CLN5: variants seen among roughly 807,000 people sequenced by gnomAD.
The protein encoded by CLN5 is CLN5 lysosomal BMP synthase.
In CLN5, 34 loss-of-function variants were observed where a neutral mutation model predicts 36.7. That is an observed-to-expected ratio of 0.93 (90% CI 0.71 to 1.23). The LOEUF (loss-of-function observed/expected upper bound fraction) is 1.23, where lower values mean the gene tolerates loss of function less well. CLN5 is among the 50% of genes most tolerant of loss of function. The pLI, the probability that CLN5 is intolerant of heterozygous loss-of-function variation, is 0.00. For missense variants in CLN5, 427 were observed against 439.4 expected (o/e 0.97, Z 0.25); for synonymous variants, 151 against 155.1 (o/e 0.97, Z 0.20).
At chr13:76,995,398 C>G in intron 2 of CLN5, 170 bp downstream of exon 2, 1 of 669,798 alleles carries the variant, frequency 1.5e-6, no homozygotes, top group Non-Finnish European at 2.6e-6. Flanking sequence ...ATTTTGTAAT[C>G]TTGACAACAA....
At chr13:76,994,771 A>C in intron 1 of CLN5, 1 of 319,524 alleles carries the variant, frequency 3.1e-6, no homozygotes, top group Non-Finnish European at 5.8e-6. Context: ...GCAAATGTCT[A>C]CTATGATCTG....
chr13:76,995,253 A>G (rs754911333), intron 2 of CLN5, 25 bp downstream of exon 2: 17 of 1,608,832 alleles, frequency 1.1e-5, no homozygotes, highest in Non-Finnish European at 1.4e-5. Flanking sequence ...TGGTCTTATA[A>G]CTTTGGTTAA....
intron 1 of CLN5, chr13:76,994,373 C>G (rs2034229767): frequency 6.6e-6 from 1 of 152,276 alleles, no homozygotes; most frequent in Admixed American, 6.5e-5. Flanking sequence ...CATTAAAAAC[C>G]TAGGCCCGGC....
At position 77,000,855 on chromosome 13, in the gene CLN5, C is replaced by T. The variant is rs756149425; in HGVS notation, c.963C>T (p.Phe321=). Residue 321 remains phenylalanine, a synonymous_variant, in exon 4 of 4, where the codon TTC becomes TTT. Coordinates refer to ENST00000377453, the MANE Select transcript of CLN5 (RefSeq NM_006493.4). The part of the protein sequence containing the change: ...IFDAVIVHKQ[F]YLFYNFEYWF... ...ATGCAGTGATTGTGCACAAACAGTT[C>T]TATTTGTTTTATAATTTTGAATATT... The T allele has an allele frequency of 1.3e-6, 2 of 1,597,498 alleles. No individual in the cohort carries two copies. Among genetic ancestry groups the T allele is most frequent in the Non-Finnish European group, 1.7e-6 (2 of 1,174,436 alleles).
In CLN5 at chr13:77,004,041, TTAAG is replaced by T. The variant is rs550871223; in HGVS notation, c.*3079_*3082del. 213 of 152,290 alleles carry T rather than the reference TTAAG, an allele frequency of 1.4e-3. No homozygotes were observed. The highest frequency in any genetic ancestry group is 3.7e-3 in the African/African-American group (155 of 41,522). 9.4% of individuals were successfully genotyped at this position (152,290 alleles called of 1,614,324 possible). A position where few individuals can be genotyped will look rare whatever the true frequency, so the allele number is the denominator to read the frequency against. On this transcript the variant is annotated 3_prime_UTR_variant, in exon 4 of 4. Transcript: ENST00000377453. ...CCTCATTAATCTGGCACAAAATTAG[TTAAG>T]TAAGTATACCCACAAAGTGTCATCT... is the stretch of plus-strand genomic sequence containing the variant.
chr13:76,994,226 C>T (rs2034227521), intron 1 of CLN5: 2 of 152,226 alleles, frequency 1.3e-5, no homozygotes, highest in Admixed American at 6.5e-5. Context: ...CAGCCCCTGC[C>T]AGTCTCTTCC....
chr13:77,000,449 T>C lies in CLN5; in HGVS notation c.566-9T>C. On this transcript the variant is annotated splice_polypyrimidine_tract_variant and intron_variant, in intron 3 of 3. Transcript: ENST00000377453. ...CACTAGGTGACTTTGTTTTGTTTTT[T>C]TAAACTAGGAAACATGTTCAACCAA... The C allele has an allele frequency of 1.2e-6, 2 of 1,610,514 alleles. No individual in the cohort carries two copies. Among genetic ancestry groups the C allele is most frequent in the Non-Finnish European group, 1.7e-6 (2 of 1,178,844 alleles).
In CLN5 at chr13:77,001,821, A is replaced by T. The variant is rs934328858; in HGVS notation, c.*852A>T. 6 of 152,240 alleles carry T rather than the reference A, an allele frequency of 3.9e-5. No homozygotes were observed. The highest frequency in any genetic ancestry group is 1.2e-4 in the African/African-American group (5 of 41,468). 9.4% of individuals were successfully genotyped at this position (152,240 alleles called of 1,614,324 possible). ...CTTCAGCGGTTCTTCTAACCGGGGT[A>T]TGCAGGAACATGGCTGCAGACACGT... is the stretch of plus-strand genomic sequence containing the variant. On this transcript the variant is annotated 3_prime_UTR_variant, in exon 4 of 4. Coordinates refer to ENST00000377453, the MANE Select transcript of CLN5 (RefSeq NM_006493.4).
At position 76,992,118 on chromosome 13, in the gene CLN5, C is replaced by A. The variant is rs752389963; in HGVS notation, c.20C>A (p.Thr7Lys). 4 of 1,610,970 alleles carry A rather than the reference C, an allele frequency of 2.5e-6. No individual in the cohort carries two copies. Among genetic ancestry groups the A allele is most frequent in the African/African-American group, 1.3e-5 (1 of 74,848 alleles). ...AGCCTGATGGCGCAGGAGGTAGACA[C>A]GGCACAGGGCGCCGAGATGCGGCGG... MAQEVD[T>K]AQGAEMRRGA... Residue 7 changes from threonine to lysine, a missense_variant, in exon 1 of 4, where the codon ACG (threonine) becomes AAG (lysine). Coordinates refer to ENST00000377453, the MANE Select transcript of CLN5 (RefSeq NM_006493.4).
chr13:77,000,137 A>C lies in CLN5; in HGVS notation c.566-321A>C, dbSNP rs113639365. 0.014 allele frequency: 2,263 copies of C among 156,464 alleles called. 55 individuals carry two copies. The highest frequency in any genetic ancestry group is 0.048 in the African/African-American group (2,013 of 41,518). The allele number at this position is 156,464 out of a possible 1,614,324, so 9.7% of individuals were successfully genotyped here. On this transcript the variant is annotated intron_variant, in intron 3 of 3. Transcript: ENST00000377453. ...TGCTTTAGAATGCTGAAGCAGGAGG[A>C]TCACTTGAGGTTGGGAATTTGAGAC... is the stretch of plus-strand genomic sequence containing the variant.
Position 77,002,829 on chromosome 13 carries a change from A to G in CLN5, c.*1860A>G, listed in dbSNP as rs753494581. The G allele has an allele frequency of 1.3e-5, 2 of 152,188 alleles. No homozygotes were observed. Among genetic ancestry groups the G allele is most frequent in the African/African-American group, 2.4e-5 (1 of 41,432 alleles). The allele number at this position is 152,188 out of a possible 1,614,324, so 9.4% of individuals were successfully genotyped here. A position where few individuals can be genotyped will look rare whatever the true frequency, so the allele number is the denominator to read the frequency against. ...CACGAACTTCTACCAAACTCAGGAAATTGCTCTGGAAAAACTACAGGATTT... is the reference window on the plus strand; with the variant it reads ...CACGAACTTCTACCAAACTCAGGAAGTTGCTCTGGAAAAACTACAGGATTT... On this transcript the variant is annotated 3_prime_UTR_variant, in exon 4 of 4. Coordinates refer to ENST00000377453, the MANE Select transcript of CLN5 (RefSeq NM_006493.4).
rs1593906921 is a variant in CLN5 at position 76,992,096 on chromosome 13, C to T, written c.-3C>T. ...AGGCTCCGGAAGTACTGGGTGCAGC[C>T]TGATGGCGCAGGAGGTAGACACGGC... is the stretch of plus-strand genomic sequence containing the variant. On this transcript the variant is annotated 5_prime_UTR_variant, in exon 1 of 4. Coordinates refer to ENST00000377453, the MANE Select transcript of CLN5 (RefSeq NM_006493.4). 3 of 1,611,952 alleles carry T rather than the reference C, an allele frequency of 1.9e-6. No homozygotes were observed. Among genetic ancestry groups the T allele is most frequent in the Non-Finnish European group, 2.5e-6 (3 of 1,179,454 alleles).
At chr13:76,997,187 C>T (rs2034283288) in intron 3 of CLN5, 1 of 151,838 alleles carries the variant, frequency 6.6e-6, no homozygotes, top group South Asian at 2.1e-4. Context: ...ATTCTTGTCG[C>T]TCAGGCTGGA....
At position 77,004,313 on chromosome 13, in the gene CLN5, CAT is replaced by C. The variant is rs2034413297; in HGVS notation, c.*3345_*3346del. The C allele has an allele frequency of 6.6e-6, 1 of 152,222 alleles. No individual in the cohort carries two copies. The highest frequency in any genetic ancestry group is 2.4e-5 in the African/African-American group (1 of 41,440). The allele number at this position is 152,222 out of a possible 1,614,324, so 9.4% of individuals were successfully genotyped here. A position where few individuals can be genotyped will look rare whatever the true frequency, so the allele number is the denominator to read the frequency against. Reference sequence around the variant, plus strand: ...AAGAGTGATGTTCCAAAACTACACACATGCTTTTTCCCTGTTCACAAAGGCAA... The same window carrying C: ...AAGAGTGATGTTCCAAAACTACACACGCTTTTTCCCTGTTCACAAAGGCAA... On this transcript the variant is annotated 3_prime_UTR_variant, in exon 4 of 4. Transcript: ENST00000377453.
intron 1 of CLN5, chr13:76,994,067 C>T (rs772654068): frequency 1.1e-4 from 16 of 152,310 alleles, no homozygotes; most frequent in Admixed American, 2.6e-4. Flanking sequence ...TATTTGGCCT[C>T]TCTCCATACC....
chr13:76,994,857 A>G lies in CLN5; in HGVS notation c.174-206A>G, dbSNP rs529363211. 189 of 521,810 alleles carry G rather than the reference A, an allele frequency of 3.6e-4. 3 individuals are homozygous for G. In the South Asian group the frequency reaches 4.4e-3, roughly 12 times the overall value. The allele number at this position is 521,810 out of a possible 1,614,324, so 32.3% of individuals were successfully genotyped here. A position where few individuals can be genotyped will look rare whatever the true frequency, so the allele number is the denominator to read the frequency against. On this transcript the variant is annotated intron_variant, in intron 1 of 3. Coordinates refer to ENST00000377453, the MANE Select transcript of CLN5 (RefSeq NM_006493.4). ...GGGATCAGGGAACAGGGAAGCCCGT[A>G]TTTATCAGAGTGCTTTTAGTTTATC...
In CLN5 at chr13:77,004,175, T is replaced by G. The variant is rs978123057; in HGVS notation, c.*3206T>G. On this transcript the variant is annotated 3_prime_UTR_variant, in exon 4 of 4. Transcript: ENST00000377453. ...TTAAAAATTGGAGAAAAAAATCAAG[T>G]CTTAGGAAGTCTTATCCAGTTTTAT... 7 of 152,136 alleles carry G rather than the reference T, an allele frequency of 4.6e-5. No individual in the cohort carries two copies. Among genetic ancestry groups the G allele is most frequent in the African/African-American group, 1.7e-4 (7 of 41,424 alleles). 9.4% of individuals were successfully genotyped at this position (152,136 alleles called of 1,614,324 possible). A position where few individuals can be genotyped will look rare whatever the true frequency, so the allele number is the denominator to read the frequency against.
Position 77,001,113 on chromosome 13 carries a change from A to G in CLN5, c.*144A>G, listed in dbSNP as rs2034355137. ...ATCAGCAGAATTGCTGCATATTAAC[A>G]TCTCAGGACTCTTCTCTTGTAAAGA... On this transcript the variant is annotated 3_prime_UTR_variant, in exon 4 of 4. Transcript: ENST00000377453. 7.4e-6 allele frequency: 5 copies of G among 671,312 alleles called. No homozygotes were observed. Among genetic ancestry groups the G allele is most frequent in the Non-Finnish European group, 1.2e-5 (5 of 402,428 alleles). 41.6% of individuals were successfully genotyped at this position (671,312 alleles called of 1,614,324 possible).
rs183766867 is a variant in CLN5, at chr13:76,994,887, G to C, written c.174-176G>C. 24 of 587,792 alleles carry C rather than the reference G, an allele frequency of 4.1e-5. No individual in the cohort carries two copies. The Admixed American group carries it at 5.3e-4, about 13-fold the overall frequency. 36.4% of individuals were successfully genotyped at this position (587,792 alleles called of 1,614,324 possible). On this transcript the variant is annotated intron_variant, in intron 1 of 3. Coordinates refer to ENST00000377453, the MANE Select transcript of CLN5 (RefSeq NM_006493.4). ...TCAGAGTGCTTTTAGTTTATCATTTGCTATTAAAAACATTATTGGAAGTTT... is the reference window on the plus strand; with the variant it reads ...TCAGAGTGCTTTTAGTTTATCATTTCCTATTAAAAACATTATTGGAAGTTT...
Sources: gnomAD v4.1 joint callset for allele counts on GRCh38, gnomAD v4.1.1 for gene constraint, MANE v1.5 for transcripts, NCBI Gene and HGNC (gene_info 2026-07-23, HGNC 2026-07-21) for gene names.